Variants in RAB6A observed in about 807,000 individuals in gnomAD.
RAB6A encodes RAB6A, member RAS oncogene family.
A neutral mutation model predicts 32.3 loss-of-function variants in RAB6A; 8 were observed. The ratio of observed to expected loss-of-function variants is 0.25; its 90% confidence interval spans 0.15 to 0.45. The LOEUF (loss-of-function observed/expected upper bound fraction) is 0.45, where lower values mean the gene tolerates loss of function less well. Among genes scored for constraint, RAB6A ranks in the 20% least tolerant of loss-of-function variants. RAB6A has a pLI of 1.00. For synonymous variants in RAB6A, 73 were observed against 82.1 expected (o/e 0.89, Z 0.60); for missense variants, 104 against 249.4 (o/e 0.42, Z 3.93).
chr11:73,695,276 G>A (rs1945638483), intron 6 of RAB6A, among the ~76,000 whole-genome samples: 1 of 151,828 alleles, frequency 6.6e-6, no homozygotes, highest in South Asian at 2.1e-4. Context: ...TGCTAACAAA[G>A]GCTTCTGCCA....
intron 6 of RAB6A, among the ~76,000 whole-genome samples, chr11:73,692,135 A>G (rs1836052484): frequency 1.3e-5 from 2 of 152,140 alleles, no homozygotes; most frequent in South Asian, 4.1e-4. Context: ...CAGAGAGCTT[A>G]TTTTCATATC....
chr11:73,748,951 C>G (rs1946634536), intron 1 of RAB6A, among the ~76,000 whole-genome samples: 1 of 151,898 alleles, frequency 6.6e-6, no homozygotes, highest in Non-Finnish European at 1.5e-5. Flanking sequence ...ATGATGACAC[C>G]CCGTCTCTAC....
intron 1 of RAB6A, among the ~76,000 whole-genome samples, chr11:73,754,638 G>A (rs1946718193): frequency 6.6e-6 from 1 of 152,162 alleles, no homozygotes; most frequent in African/African-American, 2.4e-5. Context: ...TAACATGAAG[G>A]CTGGGCACAG....
chr11:73,741,478 T>C (rs944381665), intron 1 of RAB6A, among the ~76,000 whole-genome samples: 1 of 152,038 alleles, frequency 6.6e-6, no homozygotes. Flanking sequence ...ACCATGCTCC[T>C]TGGTATTTAC....
intron 1 of RAB6A, among the ~76,000 whole-genome samples, chr11:73,756,953 C>A (rs539550453): frequency 1.3e-5 from 2 of 151,626 alleles, no homozygotes; most frequent in Non-Finnish European, 2.9e-5. Flanking sequence ...GGATTACAGG[C>A]GTGAGCCACC....
intron 6 of RAB6A, among the ~76,000 whole-genome samples, chr11:73,693,143 C>G (rs964600236): frequency 3.3e-5 from 5 of 151,930 alleles, no homozygotes; most frequent in African/African-American, 9.7e-5. Context: ...CAAAAATTAG[C>G]CATGCGTGGT....
At chr11:73,718,974 G>T in intron 3 of RAB6A, 1 of 1,260,044 alleles carries the variant, frequency 7.9e-7, no homozygotes, top group South Asian at 1.4e-5. Context: ...TTTGTAAAAG[G>T]GAGAGGGTGG....
chr11:73,720,180 CTT>C (rs10688172), intron 3 of RAB6A, among the ~76,000 whole-genome samples: 15 of 130,674 alleles, frequency 1.1e-4, no homozygotes, highest in Middle Eastern at 3.9e-3. Context: ...ATACACATTA[CTT>C]TTTTTTTTTT....
intron 1 of RAB6A, among the ~76,000 whole-genome samples, chr11:73,753,686 C>G (rs181917715): frequency 1.1e-4 from 17 of 150,870 alleles, no homozygotes; most frequent in African/African-American, 3.9e-4. Context: ...ACTCCAGCCT[C>G]GGTGACTGAG....
At chr11:73,707,230 T>A (rs912797311) in intron 6 of RAB6A, among the ~76,000 whole-genome samples, 190 bp downstream of exon 6, 2 of 152,164 alleles carry the variant, frequency 1.3e-5, no homozygotes, top group African/African-American at 4.8e-5. Flanking sequence ...CTATCCACGA[T>A]CTGAAGTTTG....
chr11:73,689,124 GAAA>G (rs111664897), intron 6 of RAB6A, among the ~76,000 whole-genome samples: 2 of 144,902 alleles, frequency 1.4e-5, no homozygotes, highest in African/African-American at 5.0e-5. Context: ...CCTGTCTCAA[GAAA>G]AAAAAAAAAA....
chr11:73,734,333 C>T (rs1203320653), intron 1 of RAB6A, among the ~76,000 whole-genome samples: 1 of 152,084 alleles, frequency 6.6e-6, no homozygotes, highest in East Asian at 1.9e-4. Context: ...ACCATGTTGG[C>T]CAGGCTGGTC....
chr11:73,750,825 CTT>C (rs1370738728), intron 1 of RAB6A, among the ~76,000 whole-genome samples: 1 of 151,078 alleles, frequency 6.6e-6, no homozygotes, highest in East Asian at 1.9e-4. Flanking sequence ...ATAGAATGTA[CTT>C]TTTTTTTGAG....
chr11:73,716,716 C>G (rs1946059819), intron 4 of RAB6A, among the ~76,000 whole-genome samples: 1 of 152,126 alleles, frequency 6.6e-6, no homozygotes, highest in African/African-American at 2.4e-5. Flanking sequence ...TTTTTGATCA[C>G]TTACACATAC....
chr11:73,759,629 A>G (rs1946811086), intron 1 of RAB6A, among the ~76,000 whole-genome samples: 1 of 152,192 alleles, frequency 6.6e-6, no homozygotes, highest in African/African-American at 2.4e-5. Flanking sequence ...AATCCTCAAT[A>G]TATCATTGGA....
chr11:73,719,034 T>C (rs1946095481), intron 3 of RAB6A: 2 of 677,874 alleles, frequency 3.0e-6, no homozygotes, highest in Non-Finnish European at 4.7e-6. Context: ...GAGTGAGGAA[T>C]GAAAATAACA....
Position 73,740,782 on chromosome 11 carries a change from G to C in RAB6A, c.71-9959C>G, listed in dbSNP as rs906059234. On this transcript the variant is annotated intron_variant, in intron 1 of 7. Coordinates refer to ENST00000336083, the MANE Select transcript of RAB6A (RefSeq NM_198896.2). ...ATGCGCCTGTAATCCAGCTACTCGG[G>C]GGGGCTGAGGCAGGACAATCGCTTA... is the stretch of plus-strand genomic sequence containing the variant. Among the ~76,000 whole-genome samples, 8 of 151,938 alleles carry C rather than the reference G, an allele frequency of 5.3e-5. 1 individual carries two copies. Among genetic ancestry groups the C allele is most frequent in the South Asian group, 4.1e-4 (2 of 4,820 alleles).
At chr11:73,704,815 T>G (rs1945809028) in intron 6 of RAB6A, among the ~76,000 whole-genome samples, 1 of 151,490 alleles carries the variant, frequency 6.6e-6, no homozygotes, top group Non-Finnish European at 1.5e-5. Context: ...GTGAACACGG[T>G]GAAACCCCCT....
At chr11:73,760,239 G>T in intron 1 of RAB6A, 1 of 738,302 alleles carries the variant, frequency 1.4e-6, no homozygotes, top group Non-Finnish European at 2.1e-6. Flanking sequence ...GCCGGGGTAC[G>T]GGCAATGACC....
Sources: allele counts gnomAD v4.1 joint callset (sites outside exome capture counted in the v4.1 genomes callset), GRCh38; gene constraint gnomAD v4.1.1; transcripts MANE v1.5; gene names NCBI Gene and HGNC (gene_info 2026-07-23, HGNC 2026-07-21).